Variants in GLYATL1 observed in about 807,000 individuals in gnomAD.
GLYATL1 encodes the protein glycine-N-acyltransferase like 1.
A neutral mutation model predicts 20.0 loss-of-function variants in GLYATL1; 15 were observed. The observed-to-expected ratio is 0.75, with a 90% confidence interval of 0.50 to 1.15. The LOEUF is 1.15. GLYATL1 is among the 50% of genes most tolerant of loss of function. The pLI, the probability that GLYATL1 is intolerant of heterozygous loss-of-function variation, is 0.00. For synonymous variants in GLYATL1, 151 were observed against 131.5 expected, an observed-to-expected ratio of 1.15 and a Z score of -1.01; for missense variants, 380 against 368.5, an observed-to-expected ratio of 1.03 and a Z score of -0.26.
intron 1 of GLYATL1, among the ~76,000 whole-genome samples, chr11:58,917,543 A>C (rs1022499616): frequency 6.6e-6 from 1 of 152,192 alleles, no homozygotes; most frequent in African/African-American, 2.4e-5. Context: ...TCAGGATTAC[A>C]TGTGACTCTT....
chr11:58,953,203 A>G (rs1857120286), intron 4 of GLYATL1, among the ~76,000 whole-genome samples: 1 of 152,124 alleles, frequency 6.6e-6, no homozygotes, highest in Non-Finnish European at 1.5e-5. Flanking sequence ...CATTTCTGAT[A>G]TTTTCTATTA....
chr11:58,944,790 A>G (rs1216140256), intron 2 of GLYATL1, among the ~76,000 whole-genome samples: 2 of 152,042 alleles, frequency 1.3e-5, no homozygotes, highest in Non-Finnish European at 2.9e-5. Context: ...CAAATTTATA[A>G]TTTCTCTTTA....
At chr11:58,910,783 C>T (rs1216886816), downstream of GLYATL1, among the ~76,000 whole-genome samples, 1 of 152,170 alleles carries the variant, frequency 6.6e-6, no homozygotes, top group East Asian at 1.9e-4. Context: ...ATTTGAAAGA[C>T]TTTAACTTTT....
At chr11:58,938,834 A>G (rs1022367565), upstream of GLYATL1, among the ~76,000 whole-genome samples, 1 of 152,164 alleles carries the variant, frequency 6.6e-6, no homozygotes, top group Non-Finnish European at 1.5e-5. Flanking sequence ...AGGCTGATGC[A>G]AAGGAGTCTG....
intron 4 of GLYATL1, among the ~76,000 whole-genome samples, chr11:58,949,917 C>G (rs1358715644): frequency 6.6e-6 from 1 of 150,896 alleles, no homozygotes; most frequent in Non-Finnish European, 1.5e-5. Flanking sequence ...TAAAAAAATC[C>G]AACATGATTT....
exon 2 of GLYATL1, chr11:58,907,549 A>T (rs1453930922): frequency 2.8e-6 from 1 of 360,158 alleles, no homozygotes; most frequent in Admixed American, 3.6e-5. Flanking sequence ...TTGGCCAGAA[A>T]TTCAAGGTAA....
upstream of GLYATL1, among the ~76,000 whole-genome samples, chr11:58,937,907 A>G (rs1590786929): frequency 6.6e-6 from 1 of 151,964 alleles, no homozygotes; most frequent in Non-Finnish European, 1.5e-5. Flanking sequence ...GGCTCCATCA[A>G]CCTCCCACAG....
chr11:58,939,148 A>G (rs1171803551), upstream of GLYATL1, among the ~76,000 whole-genome samples: 4 of 152,194 alleles, frequency 2.6e-5, no homozygotes, highest in Non-Finnish European at 4.4e-5. Context: ...ACGTCCCTCA[A>G]AAAGTATCAA....
upstream of GLYATL1, among the ~76,000 whole-genome samples, chr11:58,937,528 T>C (rs377194414): frequency 8.5e-5 from 13 of 152,288 alleles, no homozygotes; most frequent in South Asian, 2.7e-3. Flanking sequence ...ACAGAAGAGA[T>C]GTACAAGCAT....
chr11:58,933,819 G>A (rs1479284455), intron 1 of GLYATL1: 2 of 152,356 alleles, frequency 1.3e-5, no homozygotes, highest in Non-Finnish European at 2.9e-5. Context: ...GTCTGCAGGT[G>A]AACTTGTTGC....
At chr11:58,915,117 G>T (rs184273775) in intron 1 of GLYATL1, among the ~76,000 whole-genome samples, 16 of 152,270 alleles carry the variant, frequency 1.1e-4, no homozygotes, top group African/African-American at 3.4e-4. Flanking sequence ...AGAACATGTT[G>T]CTCTAAATTC....
intron 5 of GLYATL1, 41 bp from the exon 6 acceptor site, chr11:58,955,135 C>T (rs1857292581): frequency 1.3e-6 from 2 of 1,582,340 alleles, no homozygotes; most frequent in Non-Finnish European, 1.7e-6. Flanking sequence ...AAGTAGAGAA[C>T]TCCATGTCTG....
upstream of GLYATL1, among the ~76,000 whole-genome samples, chr11:58,924,710 T>C (rs189227812): frequency 2.6e-5 from 4 of 152,326 alleles, no homozygotes; most frequent in African/African-American, 9.6e-5. Flanking sequence ...CAATTATGAG[T>C]ACAATTAGCA....
chr11:58,919,077 C>G (rs1388791757), intron 1 of GLYATL1, among the ~76,000 whole-genome samples: 1 of 152,204 alleles, frequency 6.6e-6, no homozygotes, highest in African/African-American at 2.4e-5. Flanking sequence ...CATTTCTTAA[C>G]CCAAACAGAA....
chr11:58,925,158 A>G (rs1401517005), upstream of GLYATL1, among the ~76,000 whole-genome samples: 1 of 152,068 alleles, frequency 6.6e-6, no homozygotes, highest in East Asian at 1.9e-4. Context: ...TAGGGGTGGT[A>G]CCTGTGCTAA....
At chr11:58,926,547 A>G (rs894229276), upstream of GLYATL1, among the ~76,000 whole-genome samples, 1 of 152,188 alleles carries the variant, frequency 6.6e-6, no homozygotes, top group Admixed American at 6.5e-5. Flanking sequence ...AGATCCAGTG[A>G]TTGGATTATG....
intron 1 of GLYATL1, among the ~76,000 whole-genome samples, chr11:58,916,213 A>G (rs906718137): frequency 2.0e-5 from 3 of 152,068 alleles, no homozygotes; most frequent in African/African-American, 7.2e-5. Flanking sequence ...TGGCATGGTG[A>G]CTTTTCTGTA....
downstream of GLYATL1, among the ~76,000 whole-genome samples, chr11:58,910,869 A>C (rs1458557663): frequency 6.6e-6 from 1 of 152,196 alleles, no homozygotes; most frequent in Non-Finnish European, 1.5e-5. Context: ...CTTATGACAA[A>C]CACCTACAGT....
chr11:58,931,654 T>C (rs924766875), intron 1 of GLYATL1, among the ~76,000 whole-genome samples: 1 of 152,216 alleles, frequency 6.6e-6, no homozygotes, highest in African/African-American at 2.4e-5. Context: ...CTTTGAAAGA[T>C]GTTGTAATGA....
Sources: gnomAD v4.1 joint callset for allele counts (sites outside exome capture counted in the v4.1 genomes callset) on GRCh38, gnomAD v4.1.1 for gene constraint, MANE v1.5 for transcripts, NCBI Gene and HGNC (gene_info 2026-07-23, HGNC 2026-07-21) for gene names.